The following SEL1L2 variants were observed in gnomAD, a reference collection of about 807,000 sequenced individuals.
SEL1L2 encodes the protein protein sel-1 homolog 2.
A neutral mutation model predicts 98.8 loss-of-function variants in SEL1L2; 89 were observed. The observed-to-expected ratio is 0.90, with a 90% CI of 0.76 to 1.07. The LOEUF (loss-of-function observed/expected upper bound fraction) is 1.07. SEL1L2 is among the 50% of genes least tolerant of loss of function. The pLI, the probability that SEL1L2 is intolerant of heterozygous loss-of-function variation, is 0.00. For missense variants in SEL1L2, 788 were observed against 812.0 expected (o/e 0.97, Z 0.36); for synonymous variants, 262 against 278.5 (o/e 0.94, Z 0.59).
At chr20:13,919,460 T>C (rs930272437) in intron 3 of SEL1L2, among the ~76,000 whole-genome samples, 1 of 152,106 alleles carries the variant, frequency 6.6e-6, no homozygotes, top group Non-Finnish European at 1.5e-5. Context: ...ATGCCTGGTA[T>C]ATAAGAGGGG....
chr20:13,981,450 T>A (rs2051827928), intron 1 of SEL1L2, among the ~76,000 whole-genome samples: 1 of 152,222 alleles, frequency 6.6e-6, no homozygotes, highest in Non-Finnish European at 1.5e-5. Flanking sequence ...AGATTTCAAA[T>A]GTTCTCACCA....
chr20:13,906,977 C>A (rs2047961537), intron 5 of SEL1L2, among the ~76,000 whole-genome samples: 1 of 152,078 alleles, frequency 6.6e-6, no homozygotes, highest in South Asian at 2.1e-4. Flanking sequence ...CCACACCCGG[C>A]CTTATAATTT....
chr20:13,934,511 G>A (rs1373134483), intron 2 of SEL1L2, among the ~76,000 whole-genome samples: 8 of 78,444 alleles, frequency 1.0e-4, no homozygotes, highest in Admixed American at 7.2e-4. Flanking sequence ...TTATCTGCTC[G>A]TAGATTGATG....
intron 1 of SEL1L2, among the ~76,000 whole-genome samples, chr20:13,959,910 G>C (rs2050705437): frequency 6.6e-6 from 1 of 152,124 alleles, no homozygotes; most frequent in Non-Finnish European, 1.5e-5. Context: ...AGGGACTATG[G>C]CAAGTAAAGC....
chr20:13,983,023 CAAAAAAAAAA>C (rs57993052), intron 1 of SEL1L2, among the ~76,000 whole-genome samples: 196 of 15,564 alleles, frequency 0.013, 7 homozygotes, highest in East Asian at 0.12. Flanking sequence ...GACTCCATCT[CAAAAAAAAAA>C]AAAAAAAAAA....
Position 13,859,355 on chromosome 20 carries a change from G to C in SEL1L2, c.1725C>G (p.Ala575=). 6.2e-7 allele frequency: 1 copy of C among 1,614,080 alleles called. No individual in the cohort carries two copies. The highest frequency in any genetic ancestry group is 8.5e-7 in the Non-Finnish European group (1 of 1,179,980). ...TGTTGGCTGCAATGCTGTAGTGTGT[G>C]GCTGCTGTTTGATAGTCTTTCTTAG... ...YGTKKDYQTA[A]THYSIAANKY... The change falls in exon 18 of 20, where the codon GCC becomes GCG. Residue 575 remains alanine (A), a synonymous_variant. Coordinates refer to ENST00000284951, the MANE Select transcript of SEL1L2 (RefSeq NM_025229.2).
intron 1 of SEL1L2, among the ~76,000 whole-genome samples, chr20:13,957,796 G>A (rs1301100254): frequency 6.6e-6 from 1 of 152,064 alleles, no homozygotes; most frequent in Non-Finnish European, 1.5e-5. Flanking sequence ...GAGGATCATT[G>A]AGCCCGGGAA....
chr20:13,898,838 G>T (rs903762198), intron 5 of SEL1L2, among the ~76,000 whole-genome samples: 1 of 152,296 alleles, frequency 6.6e-6, no homozygotes, highest in East Asian at 1.9e-4. Context: ...CGCCTCCCGG[G>T]TTCAAGAGAT....
chr20:13,862,318 C>G (rs1421968972), intron 17 of SEL1L2, among the ~76,000 whole-genome samples: 1 of 152,090 alleles, frequency 6.6e-6, no homozygotes, highest in East Asian at 1.9e-4. Context: ...TTAAGGGTCC[C>G]CTTGGGGTCT....
intron 10 of SEL1L2, among the ~76,000 whole-genome samples, chr20:13,884,913 A>G (rs750237519): frequency 7.2e-5 from 11 of 152,216 alleles, no homozygotes; most frequent in Non-Finnish European, 1.2e-4. Context: ...TAATTATATT[A>G]AAAGCAATCT....
intron 2 of SEL1L2, among the ~76,000 whole-genome samples, chr20:13,951,928 C>G (rs921164229): frequency 6.6e-6 from 1 of 151,960 alleles, no homozygotes; most frequent in African/African-American, 2.4e-5. Flanking sequence ...AAATCTGGAT[C>G]AATATTCTAG....
chr20:13,950,131 G>C (rs781531412), intron 2 of SEL1L2, among the ~76,000 whole-genome samples: 1 of 152,126 alleles, frequency 6.6e-6, no homozygotes, highest in Non-Finnish European at 1.5e-5. Context: ...CAAATTCAGG[G>C]AGACAGAAAG....
chr20:13,849,285 T>C lies in SEL1L2; in HGVS notation c.*200A>G. On this transcript the variant is annotated 3_prime_UTR_variant, in exon 20 of 20. Coordinates refer to ENST00000284951, the MANE Select transcript of SEL1L2 (RefSeq NM_025229.2). ...GGTCTTAGGTGACCAGTTCCCAGCA[T>C]CCCGCAAAGGGTTTTCTCTACTAAG... 1 of 569,468 alleles carries C rather than the reference T, an allele frequency of 1.8e-6. No individual in the cohort carries two copies. Among genetic ancestry groups the C allele is most frequent in the Non-Finnish European group, 3.0e-6 (1 of 331,520 alleles). The allele number at this position is 569,468 out of a possible 1,614,324, so 35.3% of individuals were successfully genotyped here.
At chr20:13,982,427 C>T (rs1341736283) in intron 1 of SEL1L2, among the ~76,000 whole-genome samples, 2 of 147,476 alleles carry the variant, frequency 1.4e-5, no homozygotes, top group African/African-American at 5.0e-5. Flanking sequence ...GTGAGGAATG[C>T]TTGAGCCTGG....
chr20:13,872,815 A>G (rs554707192), intron 12 of SEL1L2, among the ~76,000 whole-genome samples: 2 of 152,118 alleles, frequency 1.3e-5, no homozygotes, highest in Admixed American at 1.3e-4. Flanking sequence ...TGCAGGAACC[A>G]TGCCGGTGAT....
chr20:13,936,979 G>A lies in SEL1L2; in HGVS notation c.115-5208C>T, dbSNP rs141759639. ...GTCTGACCTAAAAATGTCACAGTGA[G>A]CTTGTTTCTTACTACTACCACACCT... On this transcript the variant is annotated intron_variant, in intron 2 of 19. Coordinates refer to ENST00000284951, the MANE Select transcript of SEL1L2 (RefSeq NM_025229.2). Among the ~76,000 whole-genome samples, 17 of 152,334 alleles carry A rather than the reference G, an allele frequency of 1.1e-4. No individual in the cohort carries two copies. The East Asian group carries it at 3.3e-3, about 29-fold the overall frequency.
At chr20:13,851,146 G>A (rs753527663) in intron 18 of SEL1L2, among the ~76,000 whole-genome samples, 5 of 152,022 alleles carry the variant, frequency 3.3e-5, no homozygotes, top group African/African-American at 4.8e-5. Context: ...AGAATTGCTT[G>A]AACCCGGGAG....
intron 18 of SEL1L2, among the ~76,000 whole-genome samples, chr20:13,853,429 GTCT>G (rs2147712792): frequency 6.6e-6 from 1 of 151,942 alleles, no homozygotes; most frequent in South Asian, 2.1e-4. Flanking sequence ...GCCCAGGCTA[GTCT>G]TGAACTCCTG....
chr20:13,993,820 C>T (rs2052580563), upstream of SEL1L2, among the ~76,000 whole-genome samples: 1 of 152,060 alleles, frequency 6.6e-6, no homozygotes, highest in South Asian at 2.1e-4. Context: ...TCTTTTCTTC[C>T]TCACCTTTCT....
Sources: gnomAD v4.1 joint callset for allele counts (sites outside exome capture counted in the v4.1 genomes callset) on GRCh38, gnomAD v4.1.1 for gene constraint, MANE v1.5 for transcripts, NCBI Gene and HGNC (gene_info 2026-07-23, HGNC 2026-07-21) for gene names.